The following ADCK1 variants were observed in gnomAD, a reference collection of about 807,000 sequenced individuals.
ADCK1 encodes the protein aarF domain-containing protein kinase 1.
In ADCK1, 41 loss-of-function variants were observed where a neutral mutation model predicts 52.3. That is an observed-to-expected ratio of 0.78 (90% CI 0.61 to 1.02). ADCK1 has a LOEUF of 1.02. Among genes scored for constraint, ADCK1 ranks in the 50% least tolerant of loss-of-function variants. ADCK1 has a pLI of 0.00. For missense variants in ADCK1, 658 were observed against 679.5 expected, an observed-to-expected ratio of 0.97 and a Z score of 0.35; for synonymous variants, 250 against 274.6, an observed-to-expected ratio of 0.91 and a Z score of 0.89.
In ADCK1 at chr14:77,819,112, C is replaced by A; in HGVS notation, c.134C>A (p.Thr45Lys). The A allele has an allele frequency of 6.4e-7, 1 of 1,561,066 alleles. No individual in the cohort carries two copies. Among genetic ancestry groups the A allele is most frequent in the Non-Finnish European group, 8.7e-7 (1 of 1,151,226 alleles). The change falls in exon 2 of 11, where the codon ACG becomes AAG. Residue 45 changes from threonine (T) to lysine (K), a missense_variant and splice_region_variant. Coordinates refer to ENST00000238561, the MANE Select transcript of ADCK1 (RefSeq NM_020421.4). Reference protein sequence around the residue: ...GAVRVGRAVATTAVISYDYLT... With the variant: ...GAVRVGRAVAKTAVISYDYLT... ...GTCAGGGTGGGCAGAGCAGTTGCTACGGTAGGTTTTTCCCTTTTGGGGGTA... is the reference window on the plus strand; with the variant it reads ...GTCAGGGTGGGCAGAGCAGTTGCTAAGGTAGGTTTTTCCCTTTTGGGGGTA...
chr14:77,868,232 G>A (rs924170844), intron 4 of ADCK1, among the ~76,000 whole-genome samples: 1 of 152,226 alleles, frequency 6.6e-6, no homozygotes, highest in Non-Finnish European at 1.5e-5. Flanking sequence ...GAGAGGGGCA[G>A]TCACTTGCTT....
intron 9 of ADCK1, among the ~76,000 whole-genome samples, chr14:77,930,912 C>A (rs1048178076): frequency 1.3e-5 from 2 of 151,740 alleles, no homozygotes; most frequent in African/African-American, 4.8e-5. Context: ...GTGGGGAGGC[C>A]AGACCCCAAA....
chr14:77,880,745 T>G (rs1208568645), intron 4 of ADCK1, among the ~76,000 whole-genome samples: 1 of 152,232 alleles, frequency 6.6e-6, no homozygotes, highest in Non-Finnish European at 1.5e-5. Flanking sequence ...CAGGAAGCAC[T>G]GTCTCCAGCA....
chr14:77,804,051 G>A (rs1274571690), intron 1 of ADCK1, among the ~76,000 whole-genome samples: 1 of 152,138 alleles, frequency 6.6e-6, no homozygotes, highest in Non-Finnish European at 1.5e-5. Flanking sequence ...AATATCTAAT[G>A]AGTTGAGTGT....
intron 3 of ADCK1, among the ~76,000 whole-genome samples, chr14:77,850,273 T>C (rs1435428170): frequency 2.0e-5 from 3 of 152,204 alleles, no homozygotes; most frequent in Non-Finnish European, 4.4e-5. Flanking sequence ...AAATAATGTA[T>C]ATTCTGCTGT....
intron 7 of ADCK1, among the ~76,000 whole-genome samples, chr14:77,912,186 T>TC (rs1405358897): frequency 6.6e-6 from 1 of 152,192 alleles, no homozygotes. Flanking sequence ...AATTTCTTAA[T>TC]CCCCAGTCCC....
At chr14:77,839,997 G>A (rs1030358272) in intron 3 of ADCK1, among the ~76,000 whole-genome samples, 17 of 151,496 alleles carry the variant, frequency 1.1e-4, no homozygotes, top group Non-Finnish European at 2.1e-4. Flanking sequence ...GCAGGGAATG[G>A]TCAGCCAAGG....
intron 7 of ADCK1, among the ~76,000 whole-genome samples, chr14:77,912,433 C>CGTGTGTGTGTGTGT (rs57555913): frequency 7.2e-6 from 1 of 138,170 alleles, no homozygotes; most frequent in East Asian, 2.2e-4. Flanking sequence ...TACGGAGGAG[C>CGTGTGTGTGTGTGT]GTGTGTGTGT....
chr14:77,865,723 C>G lies in ADCK1; in HGVS notation c.423+6444C>G, dbSNP rs188759999. 2.5e-3 allele frequency among the ~76,000 whole-genome samples: 375 copies of G among 152,264 alleles called. 1 individual carries two copies. Among genetic ancestry groups the G allele is most frequent in the Non-Finnish European group, 4.4e-3 (302 of 68,020 alleles). On this transcript the variant is annotated intron_variant, in intron 4 of 10. Transcript: ENST00000238561. ...GCCTGTTGGTATATTGGCTTTGTGG[C>G]CTTGGGCATGTTACTTAACCTCTCT...
intron 9 of ADCK1, among the ~76,000 whole-genome samples, chr14:77,929,339 C>T (rs772629098): frequency 6.6e-6 from 1 of 152,238 alleles, no homozygotes; most frequent in East Asian, 1.9e-4. Flanking sequence ...TTGTGATTCT[C>T]TGGGCTTTCC....
chr14:77,874,073 CTG>C (rs1430608555), intron 4 of ADCK1, among the ~76,000 whole-genome samples: 1 of 152,178 alleles, frequency 6.6e-6, no homozygotes, highest in Non-Finnish European at 1.5e-5. Flanking sequence ...AGTGGGGAGA[CTG>C]TGGGACTAGA....
intron 1 of ADCK1, among the ~76,000 whole-genome samples, chr14:77,808,988 A>G (rs1483385073): frequency 6.6e-6 from 1 of 152,226 alleles, no homozygotes; most frequent in Non-Finnish European, 1.5e-5. Context: ...TAATTAGACT[A>G]GTGAGGAATG....
intron 4 of ADCK1, among the ~76,000 whole-genome samples, chr14:77,878,928 C>CA (rs1001669492): frequency 1.3e-5 from 2 of 151,838 alleles, no homozygotes; most frequent in Non-Finnish European, 2.9e-5. Context: ...GTCCCTTCCC[C>CA]CCCCACGAAT....
chr14:77,899,756 TA>T (rs2083490610), intron 6 of ADCK1, among the ~76,000 whole-genome samples: 2 of 152,148 alleles, frequency 1.3e-5, no homozygotes, highest in East Asian at 3.9e-4. Flanking sequence ...AAAATAGAGT[TA>T]GGGGCACAAC....
chr14:77,905,304 G>GTTTGTTTT (rs2083636894), intron 6 of ADCK1, among the ~76,000 whole-genome samples: 1 of 96,278 alleles, frequency 1.0e-5, no homozygotes, highest in Non-Finnish European at 2.0e-5. Context: ...TTCCTAGCTG[G>GTTTGTTTT]TTTTTTTTTT....
chr14:77,905,303 G>GTT (rs1566722295), intron 6 of ADCK1, among the ~76,000 whole-genome samples: 6 of 65,372 alleles, frequency 9.2e-5, no homozygotes, highest in East Asian at 6.8e-4. Flanking sequence ...TTTCCTAGCT[G>GTT]GTTTTTTTTT....
In ADCK1 at chr14:77,895,474, G is replaced by A. The variant is rs528856292; in HGVS notation, c.583-3626G>A. On this transcript the variant is annotated intron_variant, in intron 5 of 10. Coordinates refer to ENST00000238561, the MANE Select transcript of ADCK1 (RefSeq NM_020421.4). ...TCTGTGGAGTGTTGAGTAGGTGGTA[G>A]GCACTGGTGAAAACATTGGCTGTTA... 1.2e-3 allele frequency among the ~76,000 whole-genome samples: 178 copies of A among 152,316 alleles called. 2 individuals carry two copies. In the Middle Eastern group the frequency reaches 0.017, roughly 15 times the overall value.
At chr14:77,851,324 G>A (rs891090416) in intron 3 of ADCK1, among the ~76,000 whole-genome samples, 2 of 151,948 alleles carry the variant, frequency 1.3e-5, no homozygotes, top group Non-Finnish European at 2.9e-5. Flanking sequence ...CACCATATTG[G>A]TCAGGCTGGT....
chr14:77,831,353 G>A (rs771015548), intron 3 of ADCK1, among the ~76,000 whole-genome samples: 3 of 152,122 alleles, frequency 2.0e-5, no homozygotes, highest in African/African-American at 7.2e-5. Flanking sequence ...GGCTCCCTCC[G>A]CATGGTTGTG....
Sources: allele counts gnomAD v4.1 joint callset (sites outside exome capture counted in the v4.1 genomes callset), GRCh38; gene constraint gnomAD v4.1.1; transcripts MANE v1.5; gene names NCBI Gene and HGNC (gene_info 2026-07-23, HGNC 2026-07-21).